DNM3: variants seen among roughly 807,000 people sequenced by gnomAD.
DNM3 encodes dynamin-3.
In DNM3, 47 loss-of-function variants were observed where a neutral mutation model predicts 101.6. That is an observed-to-expected ratio of 0.46 (90% CI 0.37 to 0.59). The LOEUF is 0.59. Ranked by LOEUF, DNM3 falls within the 20% of genes least tolerant of loss-of-function variation. DNM3 has a pLI of 0.00. For missense variants in DNM3, 849 were observed against 1,085.7 expected (o/e 0.78, Z 3.06); for synonymous variants, 385 against 387.9 (o/e 0.99, Z 0.09).
At chr1:172,082,575 A>G (rs2053239512) in intron 12 of DNM3, among the ~76,000 whole-genome samples, 2 of 152,136 alleles carry the variant, frequency 1.3e-5, no homozygotes, top group African/African-American at 4.8e-5. Context: ...TCTAAAATAT[A>G]TTTTTGCATT....
chr1:172,195,966 C>T, intron 14 of DNM3, among the ~76,000 whole-genome samples: 1 of 151,526 alleles, frequency 6.6e-6, no homozygotes, highest in Non-Finnish European at 1.5e-5. Context: ...TAGGTAAACT[C>T]ATGTCACAGG....
chr1:172,005,380 T>C (rs772839945), intron 4 of DNM3, among the ~76,000 whole-genome samples: 1 of 152,066 alleles, frequency 6.6e-6, no homozygotes, highest in Non-Finnish European at 1.5e-5. Flanking sequence ...CTATCAGGAA[T>C]TGTTATAAAG....
At chr1:171,981,890 C>T (rs946822352) in intron 2 of DNM3, among the ~76,000 whole-genome samples, 3 of 152,158 alleles carry the variant, frequency 2.0e-5, no homozygotes, top group South Asian at 2.1e-4. Context: ...TGCGTTATCA[C>T]GGTTTCAATG....
intron 15 of DNM3, among the ~76,000 whole-genome samples, chr1:172,302,900 A>G (rs890104488): frequency 4.6e-5 from 7 of 152,226 alleles, no homozygotes; most frequent in Non-Finnish European, 8.8e-5. Context: ...GACCACAGGT[A>G]GATAAAACCA....
chr1:172,415,524 G>GTT (rs386368747), downstream of DNM3: 10,742 of 98,454 alleles, frequency 0.11, 2,393 homozygotes, highest in African/African-American at 0.39. Flanking sequence ...TTTTTTGTGA[G>GTT]TTTTTTTTTT....
At chr1:171,956,585 C>T (rs2042874051) in intron 2 of DNM3, among the ~76,000 whole-genome samples, 1 of 152,146 alleles carries the variant, frequency 6.6e-6, no homozygotes, top group Non-Finnish European at 1.5e-5. Context: ...ATAGTGCAGG[C>T]TGTCGGTGGA....
At chr1:172,063,063 C>G (rs562204031) in intron 10 of DNM3, among the ~76,000 whole-genome samples, 8 of 152,280 alleles carry the variant, frequency 5.3e-5, no homozygotes, top group African/African-American at 1.9e-4. Context: ...AAGCAGCCAG[C>G]ATTTAAAGGT....
chr1:172,391,727 GT>G (rs1348164937), intron 20 of DNM3, among the ~76,000 whole-genome samples: 1 of 151,370 alleles, frequency 6.6e-6, no homozygotes, highest in Non-Finnish European at 1.5e-5. Flanking sequence ...TTTTTTTCAA[GT>G]TTTTTACTTT....
intron 13 of DNM3, among the ~76,000 whole-genome samples, chr1:172,097,393 G>C (rs539487405): frequency 2.0e-5 from 3 of 149,642 alleles, no homozygotes; most frequent in African/African-American, 5.0e-5. Context: ...AAGCAAGACT[G>C]TCTCAAAAAA....
intron 13 of DNM3, among the ~76,000 whole-genome samples, chr1:172,098,768 C>T (rs1225693230): frequency 1.3e-5 from 2 of 152,210 alleles, no homozygotes; most frequent in Non-Finnish European, 1.5e-5. Context: ...GCCATGGCTT[C>T]AGCTGGTCCC....
At chr1:172,073,262 T>C (rs1026660919) in intron 11 of DNM3, among the ~76,000 whole-genome samples, 4 of 146,866 alleles carry the variant, frequency 2.7e-5, no homozygotes, top group Non-Finnish European at 4.5e-5. Context: ...TACATACATA[T>C]ACGTATATAT....
chr1:172,340,069 T>C (rs1573529169), intron 17 of DNM3, among the ~76,000 whole-genome samples: 1 of 152,224 alleles, frequency 6.6e-6, no homozygotes, highest in East Asian at 1.9e-4. Context: ...AGCAGCTGTA[T>C]GAAGAATGGA....
chr1:172,112,616 G>T (rs1415419576), intron 13 of DNM3, among the ~76,000 whole-genome samples: 1 of 152,104 alleles, frequency 6.6e-6, no homozygotes, highest in East Asian at 1.9e-4. Context: ...CAAAGGAATT[G>T]CTTTTTTTCC....
downstream of DNM3, among the ~76,000 whole-genome samples, chr1:172,414,413 A>T (rs1414748936): frequency 6.6e-6 from 1 of 152,246 alleles, no homozygotes; most frequent in East Asian, 1.9e-4. Flanking sequence ...ATAATGACTA[A>T]AAATCAAATG....
chr1:171,863,806 A>G (rs529464488), intron 1 of DNM3, among the ~76,000 whole-genome samples: 1 of 152,206 alleles, frequency 6.6e-6, no homozygotes, highest in Non-Finnish European at 1.5e-5. Flanking sequence ...GGATAACTCT[A>G]CTTACAAGAA....
intron 2 of DNM3, among the ~76,000 whole-genome samples, chr1:171,923,165 C>T (rs2040312600): frequency 6.6e-6 from 1 of 152,164 alleles, no homozygotes; most frequent in South Asian, 2.1e-4. Flanking sequence ...TTCCTACCGG[C>T]AGTGTATGAG....
chr1:172,024,422 A>T lies in DNM3; in HGVS notation c.590-7980A>T, dbSNP rs1018885869. Among the ~76,000 whole-genome samples, 5 of 152,358 alleles carry T rather than the reference A, an allele frequency of 3.3e-5. No homozygotes were observed. The South Asian group carries it at 1.0e-3, about 32-fold the overall frequency. The stretch of plus-strand genomic sequence containing the variant: ...CTATTCAAAAATCCAGCTATATTTT[A>T]TAAGGAGGTTATATAATGACCAAAT... On this transcript the variant is annotated intron_variant, in intron 4 of 20. Coordinates refer to ENST00000627582, the MANE Select transcript of DNM3 (RefSeq NM_015569.5).
chr1:172,203,216 G>T (rs2060210561), intron 14 of DNM3, among the ~76,000 whole-genome samples: 1 of 152,092 alleles, frequency 6.6e-6, no homozygotes, highest in Non-Finnish European at 1.5e-5. Flanking sequence ...TTTAATTGAG[G>T]TACCTCGTGT....
chr1:172,417,618 T>C (rs898372113), downstream of DNM3, among the ~76,000 whole-genome samples: 26 of 152,202 alleles, frequency 1.7e-4, no homozygotes, highest in Admixed American at 1.5e-3. Flanking sequence ...GGGGTTGCCA[T>C]GGACCAGACC....
Sources: gnomAD v4.1 joint callset for allele counts (sites outside exome capture counted in the v4.1 genomes callset) on GRCh38, gnomAD v4.1.1 for gene constraint, MANE v1.5 for transcripts, NCBI Gene and HGNC (gene_info 2026-07-23, HGNC 2026-07-21) for gene names.